The following CDH23 variants were observed in gnomAD, a reference collection of about 807,000 sequenced individuals.
CDH23 encodes cadherin-23.
CDH23 carries 189 observed loss-of-function variants against 317.1 expected under a neutral mutation model. The ratio of observed to expected loss-of-function variants is 0.60; its 90% CI spans 0.53 to 0.67. The LOEUF is 0.67. Among genes scored for constraint, CDH23 ranks in the 30% least tolerant of loss-of-function variants. The probability of loss-of-function intolerance (pLI) is 0.00; values close to 1 mark genes in which losing one functional copy is unlikely to be tolerated. For missense variants in CDH23, 4,401 were observed against 4,592.4 expected, an observed-to-expected ratio of 0.96 and a Z score of 1.20; for synonymous variants, 1,839 against 1,876.8, an observed-to-expected ratio of 0.98 and a Z score of 0.52.
In CDH23 at chr10:71,807,523, C is replaced by T. The variant is rs368145346; in HGVS notation, c.8316C>T (p.Asn2772=). Residue 2772 remains asparagine, a synonymous_variant, in exon 59 of 70, where the codon AAC becomes AAT. Transcript: ENST00000224721. ...CCATGATCCCACCCTCAGCCGGCAACGAAGAGAAGAACTTCCATCTGCAGC... is the reference window on the plus strand; with the variant it reads ...CCATGATCCCACCCTCAGCCGGCAATGAAGAGAAGAACTTCCATCTGCAGC... The part of the protein sequence containing the change: ...AIVYYFIAAG[N]EEKNFHLQPD... 33 of 1,613,746 alleles carry T rather than the reference C, an allele frequency of 2.0e-5. No individual in the cohort carries two copies. Among genetic ancestry groups the T allele is most frequent in the Middle Eastern group, 3.3e-4 (2 of 6,060 alleles).
intron 6 of CDH23, among the ~76,000 whole-genome samples, chr10:71,542,780 G>C (rs1452933612): frequency 6.6e-6 from 1 of 152,232 alleles, no homozygotes; most frequent in Non-Finnish European, 1.5e-5. Flanking sequence ...CAGCCAGCAG[G>C]GCCAGGCTCC....
At chr10:71,472,688 G>A (rs1259784094) in intron 3 of CDH23, among the ~76,000 whole-genome samples, 1 of 152,222 alleles carries the variant, frequency 6.6e-6, no homozygotes, top group East Asian at 1.9e-4. Context: ...CCTTGTGCTG[G>A]GGTTGCCAAG....
intron 62 of CDH23, 47 bp from the exon 63 acceptor site, chr10:71,811,268 G>C (rs796579523): frequency 3.2e-5 from 52 of 1,613,130 alleles, no homozygotes; most frequent in African/African-American, 5.3e-5. Context: ...TGTCGGTGGT[G>C]GGGGAATGGC....
intron 3 of CDH23, among the ~76,000 whole-genome samples, chr10:71,446,983 C>T (rs1160924374): frequency 6.6e-6 from 1 of 152,180 alleles, no homozygotes; most frequent in African/African-American, 2.4e-5. Flanking sequence ...TATAGCTGTG[C>T]TGATGGGGAG....
intron 6 of CDH23, among the ~76,000 whole-genome samples, chr10:71,511,515 C>G (rs1403830690): frequency 1.5e-5 from 2 of 134,036 alleles, no homozygotes; most frequent in Admixed American, 7.8e-5. Context: ...GTTGCACCCT[C>G]TTTCCTTCCA....
At chr10:71,679,354 G>C in intron 16 of CDH23, 33 bp from the exon 17 acceptor site, 1 of 1,521,858 alleles carries the variant, frequency 6.6e-7, no homozygotes, top group Non-Finnish European at 9.1e-7. Flanking sequence ...TCTCCTGCAG[G>C]CTCACGGCCC....
chr10:71,724,093 C>G lies in CDH23; in HGVS notation c.3418C>G (p.Arg1140Gly). The G allele has an allele frequency of 6.4e-7, 1 of 1,558,658 alleles. No homozygotes were observed. Among genetic ancestry groups the G allele is most frequent in the Non-Finnish European group, 8.7e-7 (1 of 1,150,876 alleles). The change falls in exon 29 of 70, where the codon CGC becomes GGC. Residue 1140 changes from arginine to glycine, a missense_variant. By Grantham distance (125) the Arg-to-Gly change is moderately radical. Transcript: ENST00000224721. ...DEGEFGRVWY[R>G]ILHGNHGNNF... Reference sequence around the variant, plus strand: ...GGGCGAGTTTGGGCGTGTGTGGTACCGCATCCTCCATGGTAAGTGGGGCTG... The same window carrying G: ...GGGCGAGTTTGGGCGTGTGTGGTACGGCATCCTCCATGGTAAGTGGGGCTG...
At chr10:71,426,161 C>T (rs1014535156) in intron 1 of CDH23, among the ~76,000 whole-genome samples, 1 of 152,186 alleles carries the variant, frequency 6.6e-6, no homozygotes, top group Admixed American at 6.5e-5. Context: ...TGGCCTCACC[C>T]ATAGTTCTAT....
intron 9 of CDH23, among the ~76,000 whole-genome samples, chr10:71,590,940 CCATT>C (rs977654886): frequency 6.7e-6 from 1 of 149,318 alleles, no homozygotes; most frequent in African/African-American, 2.5e-5. Flanking sequence ...GGGGAATTGG[CCATT>C]CATGACTCAG....
intron 3 of CDH23, among the ~76,000 whole-genome samples, chr10:71,491,084 G>T (rs1455133723): frequency 1.3e-5 from 2 of 152,230 alleles, no homozygotes; most frequent in Admixed American, 1.3e-4. Flanking sequence ...TGCCATTCCA[G>T]GTAGCCGTGC....
chr10:71,452,728 T>G (rs1184563638), intron 3 of CDH23, among the ~76,000 whole-genome samples: 1 of 152,208 alleles, frequency 6.6e-6, no homozygotes, highest in Non-Finnish European at 1.5e-5. Context: ...ACATTATAAT[T>G]AACAGCGATT....
intron 6 of CDH23, chr10:71,511,850 T>C (rs1266060640): frequency 6.5e-6 from 1 of 154,738 alleles, no homozygotes; most frequent in Non-Finnish European, 1.4e-5. Flanking sequence ...GCCCCTCTCC[T>C]GGGTGGCTGA....
chr10:71,734,416 G>A (rs879241767), intron 33 of CDH23, 75 bp downstream of exon 33: 21 of 1,506,478 alleles, frequency 1.4e-5, no homozygotes, highest in African/African-American at 9.6e-5. Context: ...CCATGTCCTC[G>A]CCAGCCACCC....
intron 6 of CDH23, among the ~76,000 whole-genome samples, chr10:71,551,693 G>A (rs1249642266): frequency 6.6e-6 from 1 of 152,142 alleles, no homozygotes; most frequent in Non-Finnish European, 1.5e-5. Context: ...CATGGTCTTT[G>A]TGTGACATGA....
intron 3 of CDH23, among the ~76,000 whole-genome samples, chr10:71,447,120 G>A (rs942583208): frequency 2.0e-5 from 3 of 152,154 alleles, no homozygotes; most frequent in Non-Finnish European, 2.9e-5. Context: ...CCTGTCATCC[G>A]GGGCTTCTTA....
intron 6 of CDH23, among the ~76,000 whole-genome samples, chr10:71,555,984 G>T (rs1324712032): frequency 6.6e-6 from 1 of 152,318 alleles, no homozygotes; most frequent in African/African-American, 2.4e-5. Context: ...CAGTCATTGG[G>T]TGGTGATGTC....
intron 28 of CDH23, among the ~76,000 whole-genome samples, chr10:71,719,422 G>A (rs1003248042): frequency 1.3e-5 from 2 of 152,218 alleles, no homozygotes; most frequent in African/African-American, 2.4e-5. Flanking sequence ...GAGTTCCACA[G>A]AGCAGGACCT....
In CDH23 at chr10:71,439,867, C is replaced by G. The variant is rs749629042; in HGVS notation, c.36C>G (p.Ala12=). 6.3e-7 allele frequency: 1 copy of G among 1,575,190 alleles called. No individual in the cohort carries two copies. Among genetic ancestry groups the G allele is most frequent in the South Asian group, 1.2e-5 (1 of 85,694 alleles). ...GRHVATSCHV[A]WLLVLISGCW... ...ATGTTGCCACCAGCTGCCACGTGGCCTGGCTTTTGGTGCTGATCTCTGGAT... is the reference window on the plus strand; with the variant it reads ...ATGTTGCCACCAGCTGCCACGTGGCGTGGCTTTTGGTGCTGATCTCTGGAT... Residue 12 remains alanine (A), a synonymous_variant, in exon 2 of 70, where the codon GCC becomes GCG. Transcript: ENST00000224721.
At chr10:71,588,314 C>T (rs764422626) in intron 9 of CDH23, among the ~76,000 whole-genome samples, 1 of 152,194 alleles carries the variant, frequency 6.6e-6, no homozygotes, top group Non-Finnish European at 1.5e-5. Context: ...ACCTTCATCA[C>T]AATCCCTTCC....
Sources: allele counts gnomAD v4.1 joint callset (sites outside exome capture counted in the v4.1 genomes callset), GRCh38; gene constraint gnomAD v4.1.1; transcripts MANE v1.5; gene names NCBI Gene and HGNC (gene_info 2026-07-23, HGNC 2026-07-21).